The following ANGPT2 variants were observed in gnomAD, a reference collection of about 807,000 sequenced individuals.
ANGPT2 encodes angiopoietin-2.
Under a neutral mutation model 62.9 loss-of-function variants are expected in ANGPT2, and 28 were observed. The ratio of observed to expected loss-of-function variants is 0.44; its 90% CI spans 0.33 to 0.61. The LOEUF is 0.61. Ranked by LOEUF, ANGPT2 falls within the 20% of genes least tolerant of loss-of-function variation. The pLI, the probability that ANGPT2 is intolerant of heterozygous loss-of-function variation, is 0.03. For synonymous variants in ANGPT2, 284 were observed against 207.8 expected, an observed-to-expected ratio of 1.37 and a Z score of -3.15; for missense variants, 727 against 594.9, an observed-to-expected ratio of 1.22 and a Z score of -2.31.
In ANGPT2 at chr8:6,537,139, C is replaced by G. The variant is rs552408076; in HGVS notation, c.289-4652G>C. On this transcript the variant is annotated intron_variant, in intron 1 of 8. Coordinates refer to ENST00000629816, the MANE Select transcript of ANGPT2 (RefSeq NM_001118887.2). ...ACCTCCCGTGGGAGGGGACCCGGCT[C>G]TTTCCAATTTCACATGCATAGCATG... Among the ~76,000 whole-genome samples the G allele has an allele frequency of 1.7e-4, 26 of 152,260 alleles. 1 individual carries two copies. Among genetic ancestry groups the G allele is most frequent in the African/African-American group, 5.8e-4 (24 of 41,550 alleles).
chr8:6,543,261 C>G (rs773023762), intron 1 of ANGPT2, among the ~76,000 whole-genome samples: 3 of 152,172 alleles, frequency 2.0e-5, no homozygotes, highest in Non-Finnish European at 4.4e-5. Context: ...GGAACACAAG[C>G]CATCTTCTGT....
intron 8 of ANGPT2, 97 bp downstream of exon 8, chr8:6,508,835 C>T (rs771686299): frequency 7.9e-6 from 12 of 1,525,828 alleles, no homozygotes; most frequent in South Asian, 3.4e-5. Flanking sequence ...TTGTGGACAT[C>T]GTTACAAATC....
At chr8:6,555,591 A>G (rs1418438514) in intron 1 of ANGPT2, among the ~76,000 whole-genome samples, 1 of 151,584 alleles carries the variant, frequency 6.6e-6, no homozygotes, top group Non-Finnish European at 1.5e-5. Flanking sequence ...CCTCCTGAGT[A>G]GCTGAGACTA....
intron 7 of ANGPT2, among the ~76,000 whole-genome samples, chr8:6,509,535 G>A (rs943312219): frequency 6.6e-6 from 1 of 152,164 alleles, no homozygotes; most frequent in South Asian, 2.1e-4. Flanking sequence ...GAAATCTACA[G>A]AACGGTGCTG....
chr8:6,553,203 G>A (rs535727961), intron 1 of ANGPT2, among the ~76,000 whole-genome samples: 1 of 152,178 alleles, frequency 6.6e-6, no homozygotes, highest in African/African-American at 2.4e-5. Context: ...TGCCACGGAG[G>A]GGGGATATGG....
At chr8:6,507,288 A>T (rs937677012) in intron 8 of ANGPT2, among the ~76,000 whole-genome samples, 16 of 152,236 alleles carry the variant, frequency 1.1e-4, no homozygotes, top group African/African-American at 3.9e-4. Context: ...CATGTTGACC[A>T]TAGCTGTTAC....
chr8:6,512,943 G>A (rs1484426057), intron 7 of ANGPT2, among the ~76,000 whole-genome samples: 1 of 152,204 alleles, frequency 6.6e-6, no homozygotes. Context: ...TGAGATTGAA[G>A]ACAATTGAAT....
At chr8:6,529,484 C>G (rs981815802) in intron 2 of ANGPT2, among the ~76,000 whole-genome samples, 1 of 149,038 alleles carries the variant, frequency 6.7e-6, no homozygotes, top group African/African-American at 2.5e-5. Context: ...CAGAGTCTCA[C>G]TCTGTTGCCC....
rs780629078 is a variant in ANGPT2, at chr8:6,527,706, A to G, written c.445-30T>C. The G allele has an allele frequency of 5.1e-6, 8 of 1,562,884 alleles. No homozygotes were observed. The South Asian group carries it at 8.5e-5, about 17-fold the overall frequency. ...ATGTAACAAAATGAAGTTCCTATTA[A>G]TTATTTTTTAATTAGTTTAACTTTC... On this transcript the variant is annotated intron_variant, in intron 2 of 8. Coordinates refer to ENST00000629816, the MANE Select transcript of ANGPT2 (RefSeq NM_001118887.2).
chr8:6,548,145 G>A (rs576684963), intron 1 of ANGPT2, among the ~76,000 whole-genome samples: 98 of 152,236 alleles, frequency 6.4e-4, no homozygotes, highest in African/African-American at 2.1e-3. Context: ...TGAGTAGTTG[G>A]TTCCACTGGA....
chr8:6,552,150 C>T (rs538079921), intron 1 of ANGPT2, among the ~76,000 whole-genome samples: 1 of 152,302 alleles, frequency 6.6e-6, no homozygotes, highest in African/African-American at 2.4e-5. Flanking sequence ...CTGCTTAACC[C>T]CAAAATGCCT....
At position 6,556,528 on chromosome 8, in the gene ANGPT2, G is replaced by A. The variant is rs988268024; in HGVS notation, c.288+6119C>T. On this transcript the variant is annotated intron_variant, in intron 1 of 8. Transcript: ENST00000629816. ...CTCATTTCATTCATTTACCCCTTCTGTGCAGCACATACTAGCTGCTGCTAC... is the reference window on the plus strand; with the variant it reads ...CTCATTTCATTCATTTACCCCTTCTATGCAGCACATACTAGCTGCTGCTAC... Among the ~76,000 whole-genome samples the A allele has an allele frequency of 7.2e-5, 11 of 151,888 alleles. 1 individual carries two copies. The highest frequency in any genetic ancestry group is 6.8e-3 in the Middle Eastern group (2 of 294).
chr8:6,525,126 C>T (rs960187778), intron 3 of ANGPT2, among the ~76,000 whole-genome samples: 4 of 152,210 alleles, frequency 2.6e-5, no homozygotes, highest in Non-Finnish European at 5.9e-5. Context: ...ACCCTGCAAA[C>T]AATATTAACC....
At chr8:6,551,539 G>C (rs1166851112) in intron 1 of ANGPT2, among the ~76,000 whole-genome samples, 2 of 152,240 alleles carry the variant, frequency 1.3e-5, no homozygotes, top group East Asian at 3.9e-4. Flanking sequence ...TTGAGGGGCT[G>C]GTGTTCTGAT....
rs1237193773 is a variant in ANGPT2, at chr8:6,501,159, G to A, written c.*1942C>T. The A allele has an allele frequency of 2.6e-5, 4 of 152,192 alleles. No homozygotes were observed. Among genetic ancestry groups the A allele is most frequent in the Non-Finnish European group, 5.9e-5 (4 of 68,032 alleles). The allele number at this position is 152,192 out of a possible 1,614,324, so 9.4% of individuals were successfully genotyped here. ...ATAGTTGTTGGAAAAGTGCACCTTG[G>A]TGGAAATAAAACAGAGCCTTGACTT... On this transcript the variant is annotated 3_prime_UTR_variant, in exon 9 of 9. Coordinates refer to ENST00000629816, the MANE Select transcript of ANGPT2 (RefSeq NM_001118887.2).
rs1012855511 is a variant in ANGPT2 at position 6,550,738 on chromosome 8, C to T, written c.288+11909G>A. Among the ~76,000 whole-genome samples, 7 of 152,102 alleles carry T rather than the reference C, an allele frequency of 4.6e-5. No homozygotes were observed. The East Asian group carries it at 5.8e-4, about 13-fold the overall frequency. On this transcript the variant is annotated intron_variant, in intron 1 of 8. Transcript: ENST00000629816. ...AGGAAGAAATTTTATCAGAGTTTTGCGGCCTGTGTACGTTCTGATACCTCT... is the reference window on the plus strand; with the variant it reads ...AGGAAGAAATTTTATCAGAGTTTTGTGGCCTGTGTACGTTCTGATACCTCT...
rs752693858 is a variant in ANGPT2 at position 6,503,124 on chromosome 8, T to G, written c.1465A>C (p.Met489Leu). ...GTTTAGAAATCTGCTGGTCGGATCA[T>G]CATGGTTGTGGCCTTGAGCGAATAG... ...SGYSLKATTM[M>L]IRPADF The change falls in exon 9 of 9, where the codon ATG becomes CTG. Residue 489 changes from methionine to leucine, a missense_variant. Coordinates refer to ENST00000629816, the MANE Select transcript of ANGPT2 (RefSeq NM_001118887.2). 1.5e-5 allele frequency: 25 copies of G among 1,614,076 alleles called. No individual in the cohort carries two copies. Among genetic ancestry groups the G allele is most frequent in the Non-Finnish European group, 2.1e-5 (25 of 1,180,046 alleles).
At chr8:6,544,705 C>T (rs1488992623) in intron 1 of ANGPT2, among the ~76,000 whole-genome samples, 4 of 152,092 alleles carry the variant, frequency 2.6e-5, no homozygotes, top group South Asian at 4.1e-4. Flanking sequence ...CAGAAAATGG[C>T]ACTCTAAGAA....
rs1047457250 is a variant in ANGPT2 at position 6,500,797 on chromosome 8, T to C, written c.*2304A>G. On this transcript the variant is annotated 3_prime_UTR_variant, in exon 9 of 9. Coordinates refer to ENST00000629816, the MANE Select transcript of ANGPT2 (RefSeq NM_001118887.2). The stretch of plus-strand genomic sequence containing the variant: ...TTGAAGTGTAAAGTAAAAACACAAA[T>C]TCCCCCCATTCTCGCTCATAAGAGA... 2.0e-5 allele frequency: 3 copies of C among 152,204 alleles called. No individual in the cohort carries two copies. Among genetic ancestry groups the C allele is most frequent in the Non-Finnish European group, 4.4e-5 (3 of 68,032 alleles). 9.4% of individuals were successfully genotyped at this position (152,204 alleles called of 1,614,324 possible). A position where few individuals can be genotyped will look rare whatever the true frequency, so the allele number is the denominator to read the frequency against.
Sources: gnomAD v4.1 joint callset for allele counts (sites outside exome capture counted in the v4.1 genomes callset) on GRCh38, gnomAD v4.1.1 for gene constraint, MANE v1.5 for transcripts, NCBI Gene and HGNC (gene_info 2026-07-23, HGNC 2026-07-21) for gene names.